Variants in PTPRD observed in about 807,000 individuals in gnomAD.
PTPRD encodes the protein protein tyrosine phosphatase receptor type D.
In PTPRD, 34 loss-of-function variants were observed where a neutral mutation model predicts 214.5. The observed-to-expected ratio is 0.16, with a 90% CI of 0.12 to 0.21. PTPRD has a LOEUF of 0.21. Ranked by LOEUF, PTPRD falls within the 10% of genes least tolerant of loss-of-function variation. PTPRD has a pLI of 1.00. For missense variants in PTPRD, 2,545 were observed against 2,398.7 expected (o/e 1.06, Z -1.27); for synonymous variants, 1,128 against 845.7 (o/e 1.33, Z -5.79).
chr9:10,605,701 G>A (rs988731068), intron 2 of PTPRD, among the ~76,000 whole-genome samples: 1 of 151,786 alleles, frequency 6.6e-6, no homozygotes, highest in African/African-American at 2.4e-5. Context: ...CCTTAGGGAA[G>A]AGATTCCTTT....
chr9:8,589,768 G>C (rs945260144), intron 14 of PTPRD, among the ~76,000 whole-genome samples: 2 of 152,184 alleles, frequency 1.3e-5, no homozygotes, highest in African/African-American at 2.4e-5. Flanking sequence ...GTTTGAATGA[G>C]AAACTTGACA....
chr9:8,709,643 T>A (rs560370596), intron 12 of PTPRD, among the ~76,000 whole-genome samples: 6 of 152,144 alleles, frequency 3.9e-5, no homozygotes, highest in Non-Finnish European at 8.8e-5. Context: ...AATTTAGTCA[T>A]TCTACAACAT....
intron 39 of PTPRD, among the ~76,000 whole-genome samples, chr9:8,364,556 A>T (rs905635632): frequency 6.6e-6 from 1 of 152,196 alleles, no homozygotes; most frequent in Non-Finnish European, 1.5e-5. Context: ...TAGCACTCCA[A>T]CGGGAGCGGC....
At chr9:9,128,708 C>CA (rs2099837940) in intron 10 of PTPRD, among the ~76,000 whole-genome samples, 1 of 152,142 alleles carries the variant, frequency 6.6e-6, no homozygotes, top group South Asian at 2.1e-4. Flanking sequence ...TTGGAGAACT[C>CA]AGTATGATTA....
intron 9 of PTPRD, among the ~76,000 whole-genome samples, chr9:9,287,717 A>G (rs1369849605): frequency 6.6e-6 from 1 of 151,948 alleles, no homozygotes; most frequent in East Asian, 1.9e-4. Context: ...TTTGAAACAT[A>G]TCAGTTGAAT....
At chr9:10,590,113 T>TA (rs2132834519) in intron 2 of PTPRD, among the ~76,000 whole-genome samples, 1 of 152,144 alleles carries the variant, frequency 6.6e-6, no homozygotes, top group South Asian at 2.1e-4. Context: ...CTTTCTCAAT[T>TA]AAACTTCTGA....
intron 12 of PTPRD, among the ~76,000 whole-genome samples, chr9:8,661,313 T>A (rs1000528346): frequency 5.3e-5 from 8 of 152,048 alleles, no homozygotes; most frequent in Non-Finnish European, 1.0e-4. Flanking sequence ...GATTCACTGT[T>A]CTAAATTGCA....
intron 11 of PTPRD, among the ~76,000 whole-genome samples, chr9:8,989,950 TTCTCTTTA>T (rs1282243545): frequency 6.6e-6 from 1 of 152,172 alleles, no homozygotes; most frequent in Non-Finnish European, 1.5e-5. Context: ...ACTCAGACAG[TTCTCTTTA>T]TAAGGGCTAT....
intron 10 of PTPRD, among the ~76,000 whole-genome samples, chr9:9,128,917 T>A (rs181449248): frequency 6.6e-6 from 1 of 152,330 alleles, no homozygotes; most frequent in African/African-American, 2.4e-5. Context: ...TGTAACATCA[T>A]TTTTCTCATT....
intron 8 of PTPRD, among the ~76,000 whole-genome samples, chr9:9,470,144 G>A (rs2094491482): frequency 6.6e-6 from 1 of 152,190 alleles, no homozygotes. Context: ...GAATGAACTA[G>A]TGGTGTTAAT....
intron 6 of PTPRD, among the ~76,000 whole-genome samples, chr9:9,750,524 C>T (rs139744615): frequency 5.3e-5 from 8 of 152,158 alleles, no homozygotes; most frequent in African/African-American, 9.6e-5. Flanking sequence ...CTCACCATAA[C>T]CAATCTCAGT....
At chr9:10,125,673 G>A (rs960515060) in intron 3 of PTPRD, among the ~76,000 whole-genome samples, 14 of 148,332 alleles carry the variant, frequency 9.4e-5, no homozygotes, top group Non-Finnish European at 2.1e-4. Flanking sequence ...TAGTAGAGAC[G>A]GGGTTTCACC....
At chr9:8,644,633 C>T (rs1222641299) in intron 12 of PTPRD, among the ~76,000 whole-genome samples, 1 of 152,210 alleles carries the variant, frequency 6.6e-6, no homozygotes, top group Non-Finnish European at 1.5e-5. Flanking sequence ...TTCCAAGTTT[C>T]CAGGTGCCAC....
intron 9 of PTPRD, among the ~76,000 whole-genome samples, chr9:9,372,236 G>T (rs1277307278): frequency 2.6e-5 from 4 of 152,214 alleles, no homozygotes; most frequent in African/African-American, 9.6e-5. Flanking sequence ...CATTATTATT[G>T]TGTGGGAGTC....
At chr9:8,795,483 T>C (rs975364652) in intron 11 of PTPRD, among the ~76,000 whole-genome samples, 1 of 152,156 alleles carries the variant, frequency 6.6e-6, no homozygotes, top group East Asian at 1.9e-4. Context: ...AAAAATTAAA[T>C]AGCCTACTTA....
At chr9:9,428,355 G>A (rs1439980691) in intron 8 of PTPRD, among the ~76,000 whole-genome samples, 1 of 152,146 alleles carries the variant, frequency 6.6e-6, no homozygotes, top group Non-Finnish European at 1.5e-5. Flanking sequence ...TCAACAAGAA[G>A]AGCTAACTAT....
chr9:9,459,954 G>T (rs549052845), intron 8 of PTPRD, among the ~76,000 whole-genome samples: 1 of 151,958 alleles, frequency 6.6e-6, no homozygotes, highest in Admixed American at 6.6e-5. Flanking sequence ...ATACTTCAAG[G>T]CTATAGTAAC....
chr9:9,400,091 A>G (rs1412721), intron 8 of PTPRD, among the ~76,000 whole-genome samples: 89,281 of 122,274 alleles, frequency 0.73, 29,043 homozygotes, highest in Admixed American at 0.77. Context: ...TTTACCTACT[A>G]GTTTTTTTTT....
intron 11 of PTPRD, among the ~76,000 whole-genome samples, chr9:8,968,257 T>C (rs920222735): frequency 1.2e-4 from 18 of 152,138 alleles, no homozygotes; most frequent in Non-Finnish European, 2.1e-4. Flanking sequence ...TATAATCCTT[T>C]GGGTATATAC....
Sources: gnomAD v4.1 joint callset for allele counts (sites outside exome capture counted in the v4.1 genomes callset) on GRCh38, gnomAD v4.1.1 for gene constraint, MANE v1.5 for transcripts, NCBI Gene and HGNC (gene_info 2026-07-23, HGNC 2026-07-21) for gene names.